Variants in DGKH observed in about 807,000 individuals in gnomAD.
DGKH encodes DAG kinase eta.
A neutral mutation model predicts 159.3 loss-of-function variants in DGKH; 90 were observed. That is an observed-to-expected ratio of 0.57 (90% CI 0.48 to 0.67). The LOEUF (loss-of-function observed/expected upper bound fraction) is 0.67. Ranked by LOEUF, DGKH falls within the 30% of genes least tolerant of loss-of-function variation. The pLI is 0.00. For synonymous variants in DGKH, 536 were observed against 553.8 expected (o/e 0.97, Z 0.45); for missense variants, 1,181 against 1,506.1 (o/e 0.78, Z 3.57).
chr13:42,198,409 T>A (rs887378289), intron 17 of DGKH, 69 bp from the exon 18 acceptor site: 30 of 1,375,504 alleles, frequency 2.2e-5, no homozygotes, highest in Non-Finnish European at 3.1e-5. Flanking sequence ...ATATCAGGCC[T>A]GGATGGACTG....
chr13:42,155,936 A>G, intron 5 of DGKH, 137 bp downstream of exon 5: 1 of 1,025,544 alleles, frequency 9.8e-7, no homozygotes, highest in Admixed American at 3.0e-5. Flanking sequence ...TCAGGAAAAA[A>G]AAACATAGTC....
chr13:42,189,199 A>T lies in DGKH; in HGVS notation c.1802A>T (p.Asp601Val). The change falls in exon 15 of 30, where the codon GAT (aspartate) becomes GTT (valine). Residue 601 changes from aspartate (D) to valine (V), a missense_variant. Coordinates refer to ENST00000337343, the MANE Select transcript of DGKH (RefSeq NM_178009.5). ...SLGESKEQLG[D>V]DVTKPSSQKA... is the part of the protein sequence containing the mutation. ...GGTGAAAGCAAAGAGCAGCTTGGGG[A>T]TGACGTTACAAAACCTTCCTCCCAG... 6.2e-7 allele frequency: 1 copy of T among 1,614,216 alleles called. No individual in the cohort carries two copies. Among genetic ancestry groups the T allele is most frequent in the South Asian group, 1.1e-5 (1 of 91,090 alleles).
At chr13:42,110,669 G>A (rs1368392369) in intron 1 of DGKH, among the ~76,000 whole-genome samples, 6 of 151,964 alleles carry the variant, frequency 3.9e-5, no homozygotes, top group African/African-American at 7.3e-5. Context: ...TACCAGTTAC[G>A]GGAAGGATTT....
At chr13:42,141,586 T>G (rs948476886) in intron 3 of DGKH, among the ~76,000 whole-genome samples, 5 of 152,262 alleles carry the variant, frequency 3.3e-5, no homozygotes, top group Admixed American at 1.3e-4. Context: ...TTTAATGATC[T>G]CCATTCTAAC....
At chr13:42,058,091 C>A (rs1881887864) in intron 1 of DGKH, among the ~76,000 whole-genome samples, 1 of 152,050 alleles carries the variant, frequency 6.6e-6, no homozygotes, top group Non-Finnish European at 1.5e-5. Context: ...AAGTTTATGT[C>A]TATGTGTATG....
chr13:42,254,488 C>T (rs138213469), intron 30 of DGKH, among the ~76,000 whole-genome samples: 2,082 of 152,172 alleles, frequency 0.014, 42 homozygotes, highest in African/African-American at 0.047. Flanking sequence ...AAAAAATTAG[C>T]CAGGCATGGT....
In DGKH at chr13:42,235,812, A is replaced by C. The variant is rs1271589482; in HGVS notation, c.*6624A>C. On this transcript the variant is annotated 3_prime_UTR_variant, in exon 30 of 30. Coordinates refer to ENST00000337343, the MANE Select transcript of DGKH (RefSeq NM_178009.5). ...AAAATATAATTATTTTCAAATCTTC[A>C]AGTAAGTTGTATCGAATGTTTTTCT... The C allele has an allele frequency of 6.6e-6, 1 of 152,180 alleles. No homozygotes were observed. Among genetic ancestry groups the C allele is most frequent in the African/African-American group, 2.4e-5 (1 of 41,460 alleles). The allele number at this position is 152,180 out of a possible 1,614,324, so 9.4% of individuals were successfully genotyped here. A position where few individuals can be genotyped will look rare whatever the true frequency, so the allele number is the denominator to read the frequency against.
Position 42,214,848 on chromosome 13 carries a change from T to A in DGKH, c.3120+236T>A, listed in dbSNP as rs188982850. Among the ~76,000 whole-genome samples, 280 of 152,306 alleles carry A rather than the reference T, an allele frequency of 1.8e-3. 1 individual carries two copies. The highest frequency in any genetic ancestry group is 6.6e-3 in the African/African-American group (275 of 41,570). The stretch of plus-strand genomic sequence containing the variant: ...TTTCACTTTCAATCACTTGTCACCT[T>A]CCATCTGTCTTCACTTCTTTCTTTT... On this transcript the variant is annotated intron_variant, in intron 25 of 29. Transcript: ENST00000337343.
chr13:42,120,402 A>G (rs914494388), intron 1 of DGKH, among the ~76,000 whole-genome samples: 1 of 152,202 alleles, frequency 6.6e-6, no homozygotes, highest in Non-Finnish European at 1.5e-5. Flanking sequence ...AATTGAATAA[A>G]TAAGTATATT....
intron 1 of DGKH, among the ~76,000 whole-genome samples, chr13:42,063,131 G>A (rs1593970491): frequency 6.6e-6 from 1 of 152,218 alleles, no homozygotes; most frequent in Admixed American, 6.5e-5. Flanking sequence ...TTTGAAAAAG[G>A]TCTTGGGAAC....
intron 1 of DGKH, among the ~76,000 whole-genome samples, chr13:42,123,276 C>T (rs1038228861): frequency 1.3e-5 from 2 of 151,786 alleles, no homozygotes; most frequent in African/African-American, 2.4e-5. Flanking sequence ...GATAATTATA[C>T]CTGTTCATAT....
chr13:42,108,877 G>A (rs377744392), intron 1 of DGKH, among the ~76,000 whole-genome samples: 10 of 152,172 alleles, frequency 6.6e-5, no homozygotes, highest in African/African-American at 1.9e-4. Context: ...CAGAGGCAGC[G>A]AGAGGATTCT....
intron 1 of DGKH, among the ~76,000 whole-genome samples, chr13:42,057,552 T>C (rs1881854729): frequency 6.6e-6 from 1 of 152,194 alleles, no homozygotes; most frequent in African/African-American, 2.4e-5. Flanking sequence ...GAATCCAGCT[T>C]CAGAATGGGA....
chr13:42,085,357 A>C (rs1221370865), intron 1 of DGKH, among the ~76,000 whole-genome samples: 1 of 151,918 alleles, frequency 6.6e-6, no homozygotes, highest in Non-Finnish European at 1.5e-5. Context: ...CTGCCTGTGA[A>C]CCTCTCTAGA....
rs1175121914 is a variant in DGKH at position 42,129,561 on chromosome 13, T to C, written c.313T>C (p.Phe105Leu). Residue 105 changes from phenylalanine (F) to leucine (L), a missense_variant, in exon 3 of 30, where the codon TTT becomes CTT. By Grantham distance (22) the Phe-to-Leu change is conservative (BLOSUM62 0). This residue lies in a region of DGKH where 369 missense variants were observed against 519.4 expected (regional missense o/e 0.71). Coordinates refer to ENST00000337343, the MANE Select transcript of DGKH (RefSeq NM_178009.5). The part of the protein sequence containing the change: ...YYAKDSKSLI[F>L]DEVDLSDASV... The stretch of plus-strand genomic sequence containing the variant: ...TTTTTTTCATTAACAGTCTCTGATA[T>C]TTGATGAAGTTGACCTCTCAGATGC... 6.2e-7 allele frequency: 1 copy of C among 1,612,048 alleles called. No individual in the cohort carries two copies. The highest frequency in any genetic ancestry group is 1.3e-5 in the African/African-American group (1 of 74,914).
Position 42,194,918 on chromosome 13 carries a change from C to G in DGKH, c.2069C>G (p.Ala690Gly). ...KTAPRSPDAR[A>G]SYGHSQTDSV... ...GCACCTCGGTCTCCAGATGCCCGGG[C>G]AAGTTATGGCCATTCCCAAACTGAT... Residue 690 changes from alanine to glycine, a missense_variant, in exon 17 of 30, where the codon GCA becomes GGA. Coordinates refer to ENST00000337343, the MANE Select transcript of DGKH (RefSeq NM_178009.5). 1 of 1,613,878 alleles carries G rather than the reference C, an allele frequency of 6.2e-7. No homozygotes were observed.
chr13:42,164,151 AG>A (rs1956258278), intron 7 of DGKH, among the ~76,000 whole-genome samples: 1 of 152,220 alleles, frequency 6.6e-6, no homozygotes, highest in Non-Finnish European at 1.5e-5. Flanking sequence ...AAAATAAAAA[AG>A]CCCATAGCCC....
intron 1 of DGKH, among the ~76,000 whole-genome samples, chr13:42,094,196 C>T (rs904417128): frequency 6.6e-5 from 10 of 151,688 alleles, no homozygotes; most frequent in Admixed American, 3.3e-4. Flanking sequence ...TGCAGCACAC[C>T]GACATGGCAC....
At chr13:42,076,448 G>C (rs1566088573) in intron 1 of DGKH, among the ~76,000 whole-genome samples, 1 of 152,158 alleles carries the variant, frequency 6.6e-6, no homozygotes, top group Non-Finnish European at 1.5e-5. Context: ...CAATTGAAGA[G>C]AGAAAAGAAA....
Sources: allele counts gnomAD v4.1 joint callset (sites outside exome capture counted in the v4.1 genomes callset), GRCh38; gene constraint gnomAD v4.1.1; regional missense constraint gnomAD v4.1.1; transcripts MANE v1.5; gene names NCBI Gene and HGNC (gene_info 2026-07-23, HGNC 2026-07-21).